ADAM9: variants seen among roughly 807,000 people sequenced by gnomAD.
ADAM9 encodes disintegrin and metalloproteinase domain-containing protein 9.
ADAM9 carries 54 observed loss-of-function variants against 108.1 expected under a neutral mutation model. That is an observed-to-expected ratio of 0.50 (90% CI 0.40 to 0.63). The LOEUF is 0.63. ADAM9 is among the 20% of genes least tolerant of loss of function. The pLI is 0.00. For synonymous variants in ADAM9, 316 were observed against 336.0 expected (o/e 0.94, Z 0.65); for missense variants, 830 against 997.7 (o/e 0.83, Z 2.26).
At position 39,045,075 on chromosome 8, in the gene ADAM9, TGTGTGTGCATACATAC is replaced by T. The variant is rs1564296845; in HGVS notation, c.1302+2959_1302+2974del. ...ATGTGTGTGTGCATACATACATATG[TGTGTGTGCATACATAC>T]ATATGTGTGTGTGCATACATACATA... On this transcript the variant is annotated intron_variant, in intron 12 of 21. Coordinates refer to ENST00000487273, the MANE Select transcript of ADAM9 (RefSeq NM_003816.3). Among the ~76,000 whole-genome samples the T allele has an allele frequency of 7.6e-4, 23 of 30,318 alleles. 5 individuals are homozygous for T. The highest frequency in any genetic ancestry group is 1.5e-4 in the African/African-American group (1 of 6,850). 19.9% of individuals were successfully genotyped at this position (30,318 alleles called of 152,430 possible).
chr8:39,006,769 C>T (rs79911088), intron 1 of ADAM9, among the ~76,000 whole-genome samples: 9 of 152,056 alleles, frequency 5.9e-5, no homozygotes, highest in Non-Finnish European at 1.3e-4. Context: ...TGATTCCATG[C>T]GGATAGACTG....
chr8:39,075,026 C>A (rs919750704), intron 15 of ADAM9, among the ~76,000 whole-genome samples: 2 of 151,300 alleles, frequency 1.3e-5, no homozygotes, highest in African/African-American at 4.9e-5. Context: ...TGTGCCTCAG[C>A]CTCTGGAGTA....
At chr8:39,092,267 G>A (rs1312993521) in intron 20 of ADAM9, among the ~76,000 whole-genome samples, 1 of 151,618 alleles carries the variant, frequency 6.6e-6, no homozygotes, top group Non-Finnish European at 1.5e-5. Context: ...GATAGATATA[G>A]CTGTGATTCA....
intron 14 of ADAM9, among the ~76,000 whole-genome samples, chr8:39,063,850 GT>G (rs1838372927): frequency 6.6e-6 from 1 of 152,128 alleles, no homozygotes. Context: ...CAATTTAACA[GT>G]AGATACCCTA....
chr8:39,020,937 GA>G (rs1165532237), intron 7 of ADAM9, among the ~76,000 whole-genome samples: 2 of 152,016 alleles, frequency 1.3e-5, no homozygotes, highest in Non-Finnish European at 2.9e-5. Flanking sequence ...CTTAAGAGGT[GA>G]AAGGGTCAGG....
At chr8:39,086,363 A>G (rs1487023049) in intron 18 of ADAM9, among the ~76,000 whole-genome samples, 1 of 152,126 alleles carries the variant, frequency 6.6e-6, no homozygotes, top group Non-Finnish European at 1.5e-5. Flanking sequence ...TTTAATTTTG[A>G]GTAACTTCTG....
At chr8:39,022,097 TGAGAGA>T (rs940452007) in intron 8 of ADAM9, among the ~76,000 whole-genome samples, 7 of 136,276 alleles carry the variant, frequency 5.1e-5, no homozygotes, top group East Asian at 2.0e-4. Context: ...TGTGTGTGTG[TGAGAGA>T]GAGAGAGAGA....
chr8:39,063,188 A>G (rs1838350942), intron 14 of ADAM9, among the ~76,000 whole-genome samples: 1 of 152,196 alleles, frequency 6.6e-6, no homozygotes, highest in Admixed American at 6.5e-5. Context: ...AAACTCAAGT[A>G]GTCTTGGAGT....
intron 14 of ADAM9, among the ~76,000 whole-genome samples, chr8:39,063,406 G>T (rs1838356563): frequency 6.6e-6 from 1 of 152,196 alleles, no homozygotes; most frequent in South Asian, 2.1e-4. Flanking sequence ...AGATGTTGGA[G>T]ACGCTGTTTC....
chr8:39,014,126 T>A, intron 4 of ADAM9, 83 bp downstream of exon 4: 1 of 1,104,032 alleles, frequency 9.1e-7, no homozygotes, highest in Non-Finnish European at 1.4e-6. Context: ...CACTCAGGAC[T>A]GTTACATTGC....
rs774308160 is a variant in ADAM9, at chr8:39,105,175, G to C, written c.*1475G>C. ...TGTTAATAAAGAACAGATTAGTTTT[G>C]AAGAAGGCAAAAATTTCAGTTTTCT... On this transcript the variant is annotated 3_prime_UTR_variant, in exon 22 of 22. Coordinates refer to ENST00000487273, the MANE Select transcript of ADAM9 (RefSeq NM_003816.3). 1.1e-5 allele frequency: 5 copies of C among 441,108 alleles called. No individual in the cohort carries two copies. Among genetic ancestry groups the C allele is most frequent in the Non-Finnish European group, 2.2e-5 (5 of 222,570 alleles). The allele number at this position is 441,108 out of a possible 1,614,324, so 27.3% of individuals were successfully genotyped here. A position where few individuals can be genotyped will look rare whatever the true frequency, so the allele number is the denominator to read the frequency against.
chr8:39,065,335 T>A (rs1838425895), intron 14 of ADAM9, among the ~76,000 whole-genome samples: 2 of 151,720 alleles, frequency 1.3e-5, no homozygotes, highest in African/African-American at 4.8e-5. Flanking sequence ...ATTCTCTGAG[T>A]TTTTTTCCCA....
rs35682054 is a variant in ADAM9 at position 39,029,131 on chromosome 8, G to GTT, written c.1130+2335_1130+2336dup. ...GAAGAGCCAAAAAAGTGTTGTTGTT[G>GTT]TTTTTTTTTTTTTTTGGTTGACTTG... On this transcript the variant is annotated intron_variant, in intron 11 of 21. Coordinates refer to ENST00000487273, the MANE Select transcript of ADAM9 (RefSeq NM_003816.3). Among the ~76,000 whole-genome samples, 441 of 142,456 alleles carry GTT rather than the reference G, an allele frequency of 3.1e-3. 5 individuals are homozygous for GTT. The highest frequency in any genetic ancestry group is 5.0e-3 in the African/African-American group (193 of 38,814). The allele number at this position is 142,456 out of a possible 152,430, so 93.5% of individuals were successfully genotyped here. A position where few individuals can be genotyped will look rare whatever the true frequency, so the allele number is the denominator to read the frequency against.
At position 39,021,657 on chromosome 8, in the gene ADAM9, A is replaced by G. The variant is rs1267913762; in HGVS notation, c.687A>G (p.Gly229=). 6.2e-6 allele frequency: 10 copies of G among 1,613,864 alleles called. No individual in the cohort carries two copies. The highest frequency in any genetic ancestry group is 7.6e-6 in the Non-Finnish European group (9 of 1,179,890). The change falls in exon 8 of 22, where the codon GGA becomes GGG. Residue 229 remains glycine, a synonymous_variant. Transcript: ENST00000487273. Reference sequence around the variant, plus strand: ...TGCTTTTCCAGTATGACATGATGGGAAGAAATCAGACTGCTGTGAGAGAAG... The same window carrying G: ...TGCTTTTCCAGTATGACATGATGGGGAGAAATCAGACTGCTGTGAGAGAAG... ...VVDKERYDMM[G]RNQTAVREEM...
chr8:39,038,075 C>A (rs185917568), intron 11 of ADAM9, among the ~76,000 whole-genome samples: 27 of 152,332 alleles, frequency 1.8e-4, no homozygotes, highest in African/African-American at 6.0e-4. Flanking sequence ...CCAACCACTT[C>A]TTACAGCTCC....
chr8:39,084,274 GCTTA>G (rs2129442574), intron 18 of ADAM9, among the ~76,000 whole-genome samples: 1 of 150,718 alleles, frequency 6.6e-6, no homozygotes, highest in East Asian at 1.9e-4. Context: ...CTCTTAGTCT[GCTTA>G]CTTTGGGTTT....
At position 39,071,418 on chromosome 8, in the gene ADAM9, G is replaced by C; in HGVS notation, c.1697+15G>C. Reference sequence around the variant, plus strand: ...TGTGCCACTGGGTAAGTGGAGGTGCGGTCATAATGGAATATGAAAGATTAT... The same window carrying C: ...TGTGCCACTGGGTAAGTGGAGGTGCCGTCATAATGGAATATGAAAGATTAT... On this transcript the variant is annotated intron_variant, in intron 15 of 21. Transcript: ENST00000487273. 6.3e-7 allele frequency: 1 copy of C among 1,576,838 alleles called. No individual in the cohort carries two copies. Among genetic ancestry groups the C allele is most frequent in the Non-Finnish European group, 8.7e-7 (1 of 1,146,810 alleles).
intron 18 of ADAM9, among the ~76,000 whole-genome samples, chr8:39,086,776 T>A (rs1003298336): frequency 6.6e-6 from 1 of 152,206 alleles, no homozygotes; most frequent in Non-Finnish European, 1.5e-5. Context: ...CATAGTTTGA[T>A]CCTTCTGGGT....
chr8:39,097,922 G>A, intron 20 of ADAM9, among the ~76,000 whole-genome samples: 1 of 152,226 alleles, frequency 6.6e-6, no homozygotes, highest in East Asian at 1.9e-4. Context: ...TGTGGCACAT[G>A]TGAAGTGCTC....
Sources: gnomAD v4.1 joint callset for allele counts (sites outside exome capture counted in the v4.1 genomes callset) on GRCh38, gnomAD v4.1.1 for gene constraint, MANE v1.5 for transcripts, NCBI Gene and HGNC (gene_info 2026-07-23, HGNC 2026-07-21) for gene names.